Variants in LRRC2 observed in about 807,000 individuals in gnomAD.
LRRC2 encodes the protein leucine rich repeat containing 2.
In LRRC2, 27 loss-of-function variants were observed where a neutral mutation model predicts 40.2. The ratio of observed to expected loss-of-function variants is 0.67; its 90% CI spans 0.49 to 0.93. LRRC2 has a LOEUF of 0.93. Ranked by LOEUF, LRRC2 falls within the 40% of genes least tolerant of loss-of-function variation. The probability of loss-of-function intolerance (pLI) is 0.00; values close to 1 mark genes in which losing one functional copy is unlikely to be tolerated. For synonymous variants in LRRC2, 147 were observed against 158.9 expected (o/e 0.92, Z 0.56); for missense variants, 402 against 439.6 (o/e 0.91, Z 0.76).
In LRRC2 at chr3:46,539,196, G is replaced by A; in HGVS notation, c.339C>T (p.Leu113=). ...GTGTCTGCTCCTTCAATGAATCTGG[G>A]AGCTCCTAAAATAGAAAGAATGACA... ...FELSGEHWTE[L]PDSLKEQTHL... Residue 113 remains leucine, a synonymous_variant, in exon 4 of 9, where the codon CTC becomes CTT. Coordinates refer to ENST00000395905, the MANE Select transcript of LRRC2 (RefSeq NM_024512.5). 1 of 1,613,510 alleles carries A rather than the reference G, an allele frequency of 6.2e-7. No individual in the cohort carries two copies. The highest frequency in any genetic ancestry group is 8.5e-7 in the Non-Finnish European group (1 of 1,179,802).
chr3:46,519,038 T>A lies in LRRC2; in HGVS notation c.1092A>T (p.Lys364Asn), dbSNP rs1351626543. 17 of 1,610,206 alleles carry A rather than the reference T, an allele frequency of 1.1e-5. No individual in the cohort carries two copies. The East Asian group carries it at 3.8e-4, about 36-fold the overall frequency. Residue 364 changes from lysine (K) to asparagine (N), a missense_variant, in exon 9 of 9, where the codon AAA becomes AAT. Lys to Asn is a moderately conservative substitution (Grantham distance 94). Coordinates refer to ENST00000395905, the MANE Select transcript of LRRC2 (RefSeq NM_024512.5). ...ERESVPSYTT[K>N]VSFSLQL Reference sequence around the variant, plus strand: ...ATCAAAGTTGAAGGCTAAAAGACACTTTGGTGGTATAGCTGGGAACAGATT... The same window carrying A: ...ATCAAAGTTGAAGGCTAAAAGACACATTGGTGGTATAGCTGGGAACAGATT...
intron 2 of LRRC2, among the ~76,000 whole-genome samples, chr3:46,546,960 T>G (rs1424437281): frequency 3.9e-5 from 6 of 152,176 alleles, no homozygotes; most frequent in Non-Finnish European, 8.8e-5. Flanking sequence ...CACACTGGTC[T>G]GGCTTTGAAA....
At chr3:46,543,387 C>G (rs959865523) in intron 3 of LRRC2, among the ~76,000 whole-genome samples, 1 of 151,996 alleles carries the variant, frequency 6.6e-6, no homozygotes, top group Non-Finnish European at 1.5e-5. Flanking sequence ...GAGGCCGAGG[C>G]GGGCGGATCA....
chr3:46,544,067 CA>C (rs1704466483), intron 3 of LRRC2, among the ~76,000 whole-genome samples: 1 of 151,960 alleles, frequency 6.6e-6, no homozygotes, highest in Admixed American at 6.6e-5. Flanking sequence ...TGATAAAAAC[CA>C]CCTCGGATCA....
chr3:46,526,947 G>A (rs1452099115), intron 7 of LRRC2, among the ~76,000 whole-genome samples: 1 of 152,274 alleles, frequency 6.6e-6, no homozygotes, highest in Non-Finnish European at 1.5e-5. Flanking sequence ...GTCATTTCAG[G>A]GGAGGGCGGA....
At chr3:46,559,681 A>C (rs1704892600) in intron 1 of LRRC2, 2 of 152,344 alleles carry the variant, frequency 1.3e-5, no homozygotes, top group South Asian at 4.1e-4. Context: ...ATATTTGATC[A>C]TGTCAACAAA....
In LRRC2 at chr3:46,518,953, C is replaced by A; in HGVS notation, c.*61G>T. On this transcript the variant is annotated 3_prime_UTR_variant, in exon 9 of 9. Coordinates refer to ENST00000395905, the MANE Select transcript of LRRC2 (RefSeq NM_024512.5). ...AGCCATTCTTCCTATATGACATGAT[C>A]ATAACAAAGATTTATATATAGCTCC... 3 of 1,128,790 alleles carry A rather than the reference C, an allele frequency of 2.7e-6. No homozygotes were observed. Among genetic ancestry groups the A allele is most frequent in the South Asian group, 1.2e-5 (1 of 80,152 alleles). The allele number at this position is 1,128,790 out of a possible 1,614,324, so 69.9% of individuals were successfully genotyped here.
chr3:46,538,314 C>A (rs1438949647), intron 4 of LRRC2, among the ~76,000 whole-genome samples: 1 of 152,142 alleles, frequency 6.6e-6, no homozygotes, highest in Non-Finnish European at 1.5e-5. Context: ...TGAATAATGA[C>A]TGAGAATTAT....
At chr3:46,543,674 A>G (rs1047974645) in intron 3 of LRRC2, among the ~76,000 whole-genome samples, 2 of 151,104 alleles carry the variant, frequency 1.3e-5, no homozygotes, top group African/African-American at 4.9e-5. Context: ...CTTTACAATG[A>G]TTTTCAAAAG....
At chr3:46,548,095 G>C (rs1375537940) in intron 2 of LRRC2, among the ~76,000 whole-genome samples, 1 of 152,156 alleles carries the variant, frequency 6.6e-6, no homozygotes, top group Non-Finnish European at 1.5e-5. Flanking sequence ...TTCTTAGACT[G>C]AACCTGAAGG....
intron 4 of LRRC2, among the ~76,000 whole-genome samples, chr3:46,538,749 CA>C (rs1704319213): frequency 6.6e-6 from 1 of 152,168 alleles, no homozygotes; most frequent in Admixed American, 6.5e-5. Flanking sequence ...AGGTTTAAAA[CA>C]AAAAGAAAAT....
chr3:46,540,782 G>A (rs569490700), intron 3 of LRRC2, among the ~76,000 whole-genome samples: 10 of 152,238 alleles, frequency 6.6e-5, no homozygotes, highest in Non-Finnish European at 1.0e-4. Context: ...CCCCCTTCTC[G>A]TGGCCCTGGC....
At position 46,518,845 on chromosome 3, in the gene LRRC2, G is replaced by A. The variant is rs1334854087; in HGVS notation, c.*169C>T. On this transcript the variant is annotated 3_prime_UTR_variant, in exon 9 of 9. Coordinates refer to ENST00000395905, the MANE Select transcript of LRRC2 (RefSeq NM_024512.5). ...TTTTTCAATTCTCCAGTCCATGGAG[G>A]GAGATACTCATGTATTTGACATTTG... 3.5e-6 allele frequency: 2 copies of A among 573,710 alleles called. No individual in the cohort carries two copies. The highest frequency in any genetic ancestry group is 6.2e-6 in the Non-Finnish European group (2 of 321,806). The allele number at this position is 573,710 out of a possible 1,614,324, so 35.5% of individuals were successfully genotyped here.
chr3:46,544,962 G>GCATT, intron 3 of LRRC2, 84 bp downstream of exon 3: 1 of 1,300,354 alleles, frequency 7.7e-7, no homozygotes, highest in East Asian at 2.3e-5. Context: ...AAAGGCAAAA[G>GCATT]CATTCATTCA....
intron 2 of LRRC2, among the ~76,000 whole-genome samples, chr3:46,547,848 T>C (rs1446515864): frequency 6.6e-6 from 1 of 151,642 alleles, no homozygotes; most frequent in Non-Finnish European, 1.5e-5. Context: ...TTAGCTTTTC[T>C]GTGTGATTTA....
Position 46,521,662 on chromosome 3 carries a change from T to C in LRRC2, c.930-4A>G. ...ATTGTCCATAAGGCTTACAAATCTA[T>C]TCGAGAAAGCATGGGAAGTATCACA... On this transcript the variant is annotated splice_polypyrimidine_tract_variant and splice_region_variant and intron_variant, in intron 7 of 8. Coordinates refer to ENST00000395905, the MANE Select transcript of LRRC2 (RefSeq NM_024512.5). 2 of 1,605,916 alleles carry C rather than the reference T, an allele frequency of 1.2e-6. No individual in the cohort carries two copies. Among genetic ancestry groups the C allele is most frequent in the Non-Finnish European group, 1.7e-6 (2 of 1,177,774 alleles).
chr3:46,533,702 T>TTTCC (rs372699647), intron 4 of LRRC2, among the ~76,000 whole-genome samples: 11,650 of 89,254 alleles, frequency 0.13, 919 homozygotes, highest in East Asian at 0.37. Flanking sequence ...GTATTCACAG[T>TTTCC]TTCCTTCCTT....
At chr3:46,520,202 AT>A (rs1703941602) in intron 8 of LRRC2, among the ~76,000 whole-genome samples, 3 of 148,996 alleles carry the variant, frequency 2.0e-5, no homozygotes, top group African/African-American at 7.3e-5. Flanking sequence ...AGATAAATAT[AT>A]TTATTTTATT....
rs755948024 is a variant in LRRC2 at position 46,530,092 on chromosome 3, G to A, written c.628-42C>T. ...AAATGTTCTAATTACTTTTATAAGA[G>A]TGGGAATTAAGTTCAACTAATAATT... On this transcript the variant is annotated intron_variant, in intron 5 of 8. Coordinates refer to ENST00000395905, the MANE Select transcript of LRRC2 (RefSeq NM_024512.5). 7.3e-6 allele frequency: 11 copies of A among 1,510,672 alleles called. No homozygotes were observed. The South Asian group carries it at 1.3e-4, about 17-fold the overall frequency. The allele number at this position is 1,510,672 out of a possible 1,614,324, so 93.6% of individuals were successfully genotyped here.
Sources: allele counts gnomAD v4.1 joint callset (sites outside exome capture counted in the v4.1 genomes callset), GRCh38; gene constraint gnomAD v4.1.1; transcripts MANE v1.5; gene names NCBI Gene and HGNC (gene_info 2026-07-23, HGNC 2026-07-21).